PRELID2: variants seen among roughly 807,000 people sequenced by gnomAD.
The protein encoded by PRELID2 is PRELI domain containing 2.
PRELID2 carries 25 observed loss-of-function variants against 28.4 expected under a neutral mutation model. That is an observed-to-expected ratio of 0.88 (90% CI 0.64 to 1.23). The LOEUF (loss-of-function observed/expected upper bound fraction) is 1.23, where lower values mean the gene tolerates loss of function less well. Ranked by LOEUF, PRELID2 falls within the 50% of genes most tolerant of loss-of-function variation. The pLI, the probability that PRELID2 is intolerant of heterozygous loss-of-function variation, is 0.00. For synonymous variants in PRELID2, 76 were observed against 71.6 expected (o/e 1.06, Z -0.31); for missense variants, 201 against 214.4 (o/e 0.94, Z 0.39).
chr5:145,774,537 TCTGA>T (rs1758295008), intron 5 of PRELID2, among the ~76,000 whole-genome samples: 1 of 152,232 alleles, frequency 6.6e-6, no homozygotes. Context: ...ATGGACTCTA[TCTGA>T]CTAGGGGCCC....
chr5:145,343,916 A>G, the PRELID2 span, among the ~76,000 whole-genome samples: 2 of 152,122 alleles, frequency 1.3e-5, no homozygotes, highest in East Asian at 3.9e-4. Flanking sequence ...ACCTAGGGGG[A>G]ATGGATAAAT....
At chr5:145,790,721 G>GTGTGTATATATATA (rs772901344) in intron 5 of PRELID2, among the ~76,000 whole-genome samples, 1 of 110,910 alleles carries the variant, frequency 9.0e-6, no homozygotes, top group African/African-American at 3.1e-5. Context: ...GTGTGTGTGT[G>GTGTGTATATATATA]TATATATATA....
intron 1 of PRELID2, among the ~76,000 whole-genome samples, chr5:145,517,925 A>C (rs1320123373): frequency 6.6e-6 from 1 of 152,024 alleles, no homozygotes; most frequent in East Asian, 1.9e-4. Flanking sequence ...CTCACTCATA[A>C]GTGGGTGTTG....
chr5:145,635,646 T>G (rs1369465909), intron 1 of PRELID2, among the ~76,000 whole-genome samples: 1 of 152,228 alleles, frequency 6.6e-6, no homozygotes, highest in Non-Finnish European at 1.5e-5. Flanking sequence ...TTGGCCACTT[T>G]GAGTGTGCAG....
the PRELID2 span, among the ~76,000 whole-genome samples, chr5:145,446,201 C>T: frequency 6.6e-6 from 1 of 151,824 alleles, no homozygotes; most frequent in Non-Finnish European, 1.5e-5. Context: ...GCTCTTATCA[C>T]TATATATAAT....
chr5:145,403,088 G>C, the PRELID2 span, among the ~76,000 whole-genome samples: 1 of 152,146 alleles, frequency 6.6e-6, no homozygotes, highest in Non-Finnish European at 1.5e-5. Flanking sequence ...TTAGAAGGTA[G>C]AGCTTTCCTA....
the PRELID2 span, among the ~76,000 whole-genome samples, chr5:145,250,174 T>C: frequency 5.3e-5 from 8 of 152,124 alleles, no homozygotes; most frequent in African/African-American, 1.9e-4. Flanking sequence ...ATTACAATGA[T>C]CAATGTTGAA....
chr5:145,778,913 C>T (rs1487724591), intron 5 of PRELID2, among the ~76,000 whole-genome samples: 1 of 152,170 alleles, frequency 6.6e-6, no homozygotes, highest in Non-Finnish European at 1.5e-5. Context: ...AACAATAGTA[C>T]TCACCATAGT....
chr5:145,428,102 G>C, the PRELID2 span, among the ~76,000 whole-genome samples: 1 of 152,204 alleles, frequency 6.6e-6, no homozygotes, highest in East Asian at 1.9e-4. Context: ...GGGATTACAG[G>C]TGCCTGCCAC....
At chr5:145,469,868 C>T (rs766382980), downstream of PRELID2, among the ~76,000 whole-genome samples, 3 of 152,074 alleles carry the variant, frequency 2.0e-5, no homozygotes, top group Non-Finnish European at 4.4e-5. Flanking sequence ...TTCACAATGT[C>T]CCATCAGTAA....
chr5:145,436,454 A>C, the PRELID2 span, among the ~76,000 whole-genome samples: 2 of 152,232 alleles, frequency 1.3e-5, no homozygotes, highest in Middle Eastern at 3.4e-3. Context: ...ATGCCCCCAA[A>C]ATGGGATTGC....
chr5:145,755,134 T>C (rs1290025910), downstream of PRELID2, among the ~76,000 whole-genome samples: 1 of 152,132 alleles, frequency 6.6e-6, no homozygotes, highest in East Asian at 1.9e-4. Flanking sequence ...CAAACTACAA[T>C]CATACCAATG....
the PRELID2 span, among the ~76,000 whole-genome samples, chr5:145,353,896 ATT>A: frequency 1.3e-5 from 2 of 152,130 alleles, no homozygotes; most frequent in African/African-American, 4.8e-5. Context: ...AACTTTCTAG[ATT>A]TTTCACTAAC....
intron 1 of PRELID2, among the ~76,000 whole-genome samples, chr5:145,676,133 T>C (rs1006351718): frequency 2.0e-5 from 3 of 148,298 alleles, no homozygotes; most frequent in African/African-American, 7.5e-5. Context: ...GGTAGGAGAA[T>C]CGCTTGAACT....
At chr5:145,821,901 G>C (rs1457549991) in intron 2 of PRELID2, among the ~76,000 whole-genome samples, 1 of 152,172 alleles carries the variant, frequency 6.6e-6, no homozygotes, top group African/African-American at 2.4e-5. Context: ...GCTCCAAAAA[G>C]TTGGGTCACC....
At chr5:145,625,803 T>A (rs17103534) in intron 1 of PRELID2, among the ~76,000 whole-genome samples, 26,596 of 152,088 alleles carry the variant, frequency 0.17, 3,842 homozygotes, top group African/African-American at 0.38. Flanking sequence ...TGGATTACAA[T>A]GTTAAAAAGG....
chr5:145,331,512 CATGACTATGTA>C, the PRELID2 span, among the ~76,000 whole-genome samples: 1 of 152,110 alleles, frequency 6.6e-6, no homozygotes, highest in Non-Finnish European at 1.5e-5. Context: ...TTAATCCCTT[CATGACTATGTA>C]ACGCCCTTCT....
chr5:145,271,003 T>A, the PRELID2 span, among the ~76,000 whole-genome samples: 1 of 152,054 alleles, frequency 6.6e-6, no homozygotes, highest in East Asian at 1.9e-4. Context: ...CTTCTTCACA[T>A]GGCAGCAGGA....
At chr5:145,605,803 G>A (rs1292282325) in intron 1 of PRELID2, among the ~76,000 whole-genome samples, 1 of 151,924 alleles carries the variant, frequency 6.6e-6, no homozygotes, top group East Asian at 1.9e-4. Context: ...TACAATTGAA[G>A]AATGTCATTG....
Sources: gnomAD v4.1 joint callset for allele counts (sites outside exome capture counted in the v4.1 genomes callset) on GRCh38, gnomAD v4.1.1 for gene constraint, MANE v1.5 for transcripts, NCBI Gene and HGNC (gene_info 2026-07-23, HGNC 2026-07-21) for gene names.